Variants in DDX50 observed in about 807,000 individuals in gnomAD.
The protein encoded by DDX50 is DExD-box helicase 50.
In DDX50, 56 loss-of-function variants were observed where a neutral mutation model predicts 94.8. The observed-to-expected ratio is 0.59, with a 90% CI of 0.48 to 0.74. The LOEUF (loss-of-function observed/expected upper bound fraction) is 0.74. Ranked by LOEUF, DDX50 falls within the 30% of genes least tolerant of loss-of-function variation. The pLI is 0.00. For synonymous variants in DDX50, 264 were observed against 295.4 expected (o/e 0.89, Z 1.09); for missense variants, 713 against 881.2 (o/e 0.81, Z 2.42).
intron 8 of DDX50, among the ~76,000 whole-genome samples, chr10:68,931,392 A>ATATATAT (rs1554836673): frequency 1.2e-4 from 10 of 85,748 alleles, no homozygotes; most frequent in African/African-American, 9.5e-5. Context: ...TAAAAAAAAA[A>ATATATAT]ATATATATAT....
At chr10:68,918,216 G>A (rs1841852338) in intron 7 of DDX50, among the ~76,000 whole-genome samples, 2 of 151,694 alleles carry the variant, frequency 1.3e-5, no homozygotes, top group East Asian at 3.9e-4. Context: ...GAGCCACTGC[G>A]CCCTGCCTAT....
chr10:68,914,035 T>A (rs1394271415), intron 6 of DDX50, 24 bp from the exon 7 acceptor site: 1 of 1,553,664 alleles, frequency 6.4e-7, no homozygotes, highest in African/African-American at 1.4e-5. Flanking sequence ...AAGAAAACAT[T>A]TGAATTCTTT....
rs755427920 is a variant in DDX50 at position 68,911,081 on chromosome 10, A to G, written c.474A>G (p.Thr158=). ...CTCATTTTACAGGTCGAGGGGTAAC[A>G]TATCTCTTTCCTATTCAAGTTAAGA... ...TIKLLKGRGV[T]YLFPIQVKTF... is the part of the protein sequence containing the mutation. The change falls in exon 4 of 15, where the codon ACA becomes ACG. Residue 158 remains threonine, a synonymous_variant. Coordinates refer to ENST00000373585, the MANE Select transcript of DDX50 (RefSeq NM_024045.2). 8.4e-6 allele frequency: 13 copies of G among 1,551,366 alleles called. No individual in the cohort carries two copies. The South Asian group carries it at 1.2e-4, about 14-fold the overall frequency.
Position 68,901,549 on chromosome 10 carries a change from T to C in DDX50, c.87+78T>C. 2.1e-6 allele frequency: 3 copies of C among 1,441,000 alleles called. No homozygotes were observed. The South Asian group carries it at 4.0e-5, about 19-fold the overall frequency. The allele number at this position is 1,441,000 out of a possible 1,614,324, so 89.3% of individuals were successfully genotyped here. A position where few individuals can be genotyped will look rare whatever the true frequency, so the allele number is the denominator to read the frequency against. On this transcript the variant is annotated intron_variant, in intron 1 of 14. Coordinates refer to ENST00000373585, the MANE Select transcript of DDX50 (RefSeq NM_024045.2). ...GAGGGGAACTGTCTGTCCCTGATGATGGCCTGTCAGAACCGGGCCGGAGCA... is the reference window on the plus strand; with the variant it reads ...GAGGGGAACTGTCTGTCCCTGATGACGGCCTGTCAGAACCGGGCCGGAGCA...
At position 68,934,053 on chromosome 10, in the gene DDX50, CTT is replaced by C. The variant is rs34877781; in HGVS notation, c.1240-136_1240-135del. On this transcript the variant is annotated intron_variant, in intron 8 of 14. Coordinates refer to ENST00000373585, the MANE Select transcript of DDX50 (RefSeq NM_024045.2). This position sits in a 1 kb window ranked among gnomAD's most constrained non-coding sequence, Gnocchi z 4.0. ...GTTAAATATTTTCTGTCATGTTTGA[CTT>C]TTTTTTTTTACAGTAAGCATGCATT... The C allele has an allele frequency of 6.1e-4, 352 of 577,446 alleles. No homozygotes were observed. The highest frequency in any genetic ancestry group is 1.2e-3 in the South Asian group (26 of 21,600). The allele number at this position is 577,446 out of a possible 1,614,324, so 35.8% of individuals were successfully genotyped here. A position where few individuals can be genotyped will look rare whatever the true frequency, so the allele number is the denominator to read the frequency against.
rs1171120104 is a variant in DDX50, at chr10:68,941,344, G to C, written c.1890+150G>C. ...AGTTTGTTTCCAGTTATAAATTTGG[G>C]GCATTATATATGTAACCCATTCCTC... is the stretch of plus-strand genomic sequence containing the variant. On this transcript the variant is annotated intron_variant, in intron 13 of 14. Transcript: ENST00000373585. 5.6e-6 allele frequency: 6 copies of C among 1,071,448 alleles called. No homozygotes were observed. In the African/African-American group the frequency reaches 8.1e-5, roughly 14 times the overall value. 66.4% of individuals were successfully genotyped at this position (1,071,448 alleles called of 1,614,324 possible). A position where few individuals can be genotyped will look rare whatever the true frequency, so the allele number is the denominator to read the frequency against.
At chr10:68,941,035 CAT>C (rs750360521) in intron 12 of DDX50, 23 bp from the exon 13 acceptor site, 46 of 1,592,198 alleles carry the variant, frequency 2.9e-5, no homozygotes, top group Non-Finnish European at 3.9e-5. Context: ...TATTTCCAAA[CAT>C]AATGTGGTTT....
At chr10:68,923,111 TAAAAAA>T (rs71474455) in intron 8 of DDX50, among the ~76,000 whole-genome samples, 2 of 114,450 alleles carry the variant, frequency 1.7e-5, no homozygotes, top group Non-Finnish European at 3.4e-5. Flanking sequence ...CCCTTTCTCT[TAAAAAA>T]AAAAAAAAAA....
intron 12 of DDX50, 151 bp downstream of exon 12, chr10:68,937,246 A>T: frequency 2.4e-6 from 2 of 844,816 alleles, no homozygotes; most frequent in Non-Finnish European, 3.3e-6. Context: ...ACTCCCTAAT[A>T]AATCCTTTTT....
Position 68,941,120 on chromosome 10 carries a change from A to G in DDX50, c.1816A>G (p.Lys606Glu), listed in dbSNP as rs1266061274. 1 of 1,612,864 alleles carries G rather than the reference A, an allele frequency of 6.2e-7. No individual in the cohort carries two copies. ...AATACAGGATGTCAGCTGTGCTTGGAAAGAACTTAACAGAAAGCTGAGTAG... is the reference window on the plus strand; with the variant it reads ...AATACAGGATGTCAGCTGTGCTTGGGAAGAACTTAACAGAAAGCTGAGTAG... ...EEIQDVSCAWKELNRKLSSNA... is the reference protein window; with the variant it reads ...EEIQDVSCAWEELNRKLSSNA... Residue 606 changes from lysine to glutamate, a missense_variant, in exon 13 of 15, where the codon AAA becomes GAA. By Grantham distance (56) the Lys-to-Glu change is moderately conservative. This residue lies in a region of DDX50 where 428 missense variants were observed against 602.3 expected (regional missense o/e 0.71). Transcript: ENST00000373585.
At chr10:68,938,692 A>G (rs1052208511) in intron 12 of DDX50, among the ~76,000 whole-genome samples, 10 of 152,212 alleles carry the variant, frequency 6.6e-5, no homozygotes, top group Non-Finnish European at 1.3e-4. Flanking sequence ...GGTAGGTGTT[A>G]ATAGTTTAGC....
intron 1 of DDX50, among the ~76,000 whole-genome samples, chr10:68,905,069 A>G (rs1841403831): frequency 6.6e-6 from 1 of 152,184 alleles, no homozygotes; most frequent in Non-Finnish European, 1.5e-5. Flanking sequence ...GGCGTGTACC[A>G]CAACATGCAG....
chr10:68,913,117 T>C (rs760112636), intron 4 of DDX50, 45 bp from the exon 5 acceptor site: 122 of 1,482,758 alleles, frequency 8.2e-5, no homozygotes, highest in Non-Finnish European at 3.8e-5. Flanking sequence ...AATTTAGATA[T>C]GTCTTTAGAA....
At chr10:68,924,269 C>T (rs1413767816) in intron 8 of DDX50, among the ~76,000 whole-genome samples, 1 of 151,700 alleles carries the variant, frequency 6.6e-6, no homozygotes, top group Non-Finnish European at 1.5e-5. Context: ...ACCGTGTCTG[C>T]CAAAATTTTT....
At chr10:68,901,571 A>C in intron 1 of DDX50, 100 bp downstream of exon 1, 1 of 1,290,426 alleles carries the variant, frequency 7.7e-7, no homozygotes, top group Non-Finnish European at 1.1e-6. Context: ...ACCGGGCCGG[A>C]GCATCCGAGG....
intron 12 of DDX50, among the ~76,000 whole-genome samples, chr10:68,938,271 CTG>C (rs1217944019): frequency 6.6e-6 from 1 of 152,046 alleles, no homozygotes; most frequent in Non-Finnish European, 1.5e-5. Context: ...TAAGAAATGC[CTG>C]TGTGTGTGTG....
intron 8 of DDX50, among the ~76,000 whole-genome samples, chr10:68,931,400 T>TATAC: frequency 1.6e-5 from 1 of 61,570 alleles, no homozygotes; most frequent in South Asian, 4.6e-4. Flanking sequence ...AAAATATATA[T>TATAC]ATATATATAT....
At chr10:68,920,631 A>G (rs1183425591) in intron 8 of DDX50, among the ~76,000 whole-genome samples, 2 of 152,022 alleles carry the variant, frequency 1.3e-5, no homozygotes. Flanking sequence ...TACTAAATCC[A>G]TGTGTTTTTT....
At chr10:68,940,036 G>C (rs1193498598) in intron 12 of DDX50, among the ~76,000 whole-genome samples, 1 of 152,056 alleles carries the variant, frequency 6.6e-6, no homozygotes, top group Non-Finnish European at 1.5e-5. Context: ...TGATTCTTTT[G>C]CTGTTAGTGA....
Sources: allele counts gnomAD v4.1 joint callset (sites outside exome capture counted in the v4.1 genomes callset), GRCh38; gene constraint gnomAD v4.1.1; regional missense constraint gnomAD v4.1.1; non-coding constraint Gnocchi (gnomAD v3.1); transcripts MANE v1.5; gene names NCBI Gene and HGNC (gene_info 2026-07-23, HGNC 2026-07-21).